TNFRSF21: variants seen among roughly 807,000 people sequenced by gnomAD.
The protein encoded by TNFRSF21 is tumor necrosis factor receptor superfamily member 21.
A neutral mutation model predicts 45.6 loss-of-function variants in TNFRSF21; 19 were observed. The observed-to-expected ratio is 0.42, with a 90% confidence interval of 0.29 to 0.61. The LOEUF is 0.61. Ranked by LOEUF, TNFRSF21 falls within the 20% of genes least tolerant of loss-of-function variation. The pLI, the probability that TNFRSF21 is intolerant of heterozygous loss-of-function variation, is 0.23. For synonymous variants in TNFRSF21, 314 were observed against 335.5 expected (o/e 0.94, Z 0.70); for missense variants, 737 against 851.5 (o/e 0.87, Z 1.67).
At chr6:47,247,160 A>T (rs558849105) in intron 4 of TNFRSF21, among the ~76,000 whole-genome samples, 1 of 152,332 alleles carries the variant, frequency 6.6e-6, no homozygotes, top group Admixed American at 6.5e-5. Context: ...CCTATTTATA[A>T]ACATTGCTCC....
chr6:47,290,894 A>G (rs963970330), intron 1 of TNFRSF21, among the ~76,000 whole-genome samples: 4 of 152,252 alleles, frequency 2.6e-5, no homozygotes, highest in Admixed American at 6.5e-5. Context: ...TAGAATCTTG[A>G]GAACTCTATT....
chr6:47,286,761 G>C (rs1244128042), intron 1 of TNFRSF21, among the ~76,000 whole-genome samples, 166 bp from the exon 2 acceptor site: 3 of 152,200 alleles, frequency 2.0e-5, no homozygotes, highest in African/African-American at 7.2e-5. Context: ...AGTAGAACGA[G>C]AGAAACGAAG....
At chr6:47,288,603 GC>G (rs1762680154) in intron 1 of TNFRSF21, among the ~76,000 whole-genome samples, 2 of 151,852 alleles carry the variant, frequency 1.3e-5, no homozygotes, top group South Asian at 2.1e-4. Context: ...AAAATAACTT[GC>G]TGAATAGTTC....
intron 1 of TNFRSF21, among the ~76,000 whole-genome samples, chr6:47,302,764 T>G (rs1029085297): frequency 6.6e-6 from 1 of 152,128 alleles, no homozygotes; most frequent in African/African-American, 2.4e-5. Context: ...TCTGGTAAAT[T>G]AAGGTGACCT....
chr6:47,237,911 G>A (rs934512160), intron 4 of TNFRSF21, among the ~76,000 whole-genome samples: 3 of 152,082 alleles, frequency 2.0e-5, no homozygotes, highest in South Asian at 2.1e-4. Context: ...TGAGCCAGGC[G>A]TGGTGGCAGG....
intron 3 of TNFRSF21, among the ~76,000 whole-genome samples, chr6:47,273,550 AC>A: frequency 6.6e-6 from 1 of 152,206 alleles, no homozygotes; most frequent in Non-Finnish European, 1.5e-5. Context: ...CCCACAGCCA[AC>A]ATCATACTGA....
chr6:47,298,926 C>T (rs1421671479), intron 1 of TNFRSF21, among the ~76,000 whole-genome samples: 3 of 152,208 alleles, frequency 2.0e-5, no homozygotes, highest in Non-Finnish European at 4.4e-5. Flanking sequence ...TTGAACCTAG[C>T]ACTCCGCAAA....
rs1764582013 is a variant in TNFRSF21 at position 47,231,566 on chromosome 6, C to T, written c.*1199G>A. 6.6e-6 allele frequency: 1 copy of T among 152,524 alleles called. No individual in the cohort carries two copies. 9.4% of individuals were successfully genotyped at this position (152,524 alleles called of 1,614,324 possible). A position where few individuals can be genotyped will look rare whatever the true frequency, so the allele number is the denominator to read the frequency against. On this transcript the variant is annotated 3_prime_UTR_variant, in exon 6 of 6. Coordinates refer to ENST00000296861, the MANE Select transcript of TNFRSF21 (RefSeq NM_014452.5). ...CCTAATGTTTATTAATAAATTAGTA[C>T]ACTTGAAGGCATTTTTCTGATATCG...
At chr6:47,259,679 T>A (rs892063068) in intron 3 of TNFRSF21, among the ~76,000 whole-genome samples, 6 of 152,162 alleles carry the variant, frequency 3.9e-5, no homozygotes, top group African/African-American at 1.4e-4. Context: ...CCTGCCAACA[T>A]TGCCTTTTCC....
intron 1 of TNFRSF21, among the ~76,000 whole-genome samples, chr6:47,295,804 TA>T (rs34494497): frequency 6.7e-6 from 1 of 148,310 alleles, no homozygotes; most frequent in Non-Finnish European, 1.5e-5. Context: ...CTCTCTGATT[TA>T]AAAAAAAAAA....
intron 3 of TNFRSF21, among the ~76,000 whole-genome samples, chr6:47,271,029 A>G (rs544044892): frequency 6.6e-6 from 1 of 152,336 alleles, no homozygotes; most frequent in South Asian, 2.1e-4. Context: ...AAAAGACCAA[A>G]TCTACATTTG....
rs186563458 is a variant in TNFRSF21, at chr6:47,267,001, A to G, written c.1244-13480T>C. On this transcript the variant is annotated intron_variant, in intron 3 of 5. Coordinates refer to ENST00000296861, the MANE Select transcript of TNFRSF21 (RefSeq NM_014452.5). ...CTTAGCAGGTGCTCCCCACCCTACA[A>G]GAGCAGACCTGTGTGAGTAAATTTC... Among the ~76,000 whole-genome samples the G allele has an allele frequency of 7.2e-5, 11 of 152,294 alleles. No individual in the cohort carries two copies. In the East Asian group the frequency reaches 2.1e-3, roughly 29 times the overall value.
At chr6:47,280,468 A>T (rs1762551365) in intron 3 of TNFRSF21, among the ~76,000 whole-genome samples, 1 of 152,230 alleles carries the variant, frequency 6.6e-6, no homozygotes, top group Admixed American at 6.5e-5. Flanking sequence ...TTGGAAAGAA[A>T]AGACTTTCCT....
chr6:47,273,368 A>T (rs1328479018), intron 3 of TNFRSF21, among the ~76,000 whole-genome samples: 3 of 152,234 alleles, frequency 2.0e-5, no homozygotes, highest in Non-Finnish European at 2.9e-5. Context: ...ACATATGCAA[A>T]TCAATAAATG....
At position 47,297,095 on chromosome 6, in the gene TNFRSF21, G is replaced by A. The variant is rs1301312064; in HGVS notation, c.97-10500C>T. ...CTGTGGGATCCGACACTACTTCCGG[G>A]TAGATAGGTCAGAACTGAATTGAAC... On this transcript the variant is annotated intron_variant, in intron 1 of 5. Transcript: ENST00000296861. Among the ~76,000 whole-genome samples, 3 of 152,324 alleles carry A rather than the reference G, an allele frequency of 2.0e-5. No homozygotes were observed. In the East Asian group the frequency reaches 5.8e-4, roughly 29 times the overall value.
chr6:47,278,979 C>T (rs1395725147), intron 3 of TNFRSF21, among the ~76,000 whole-genome samples: 1 of 152,106 alleles, frequency 6.6e-6, no homozygotes, highest in East Asian at 1.9e-4. Context: ...CGAGGTATAC[C>T]CAATTCCTTT....
At position 47,309,638 on chromosome 6, in the gene TNFRSF21, A is replaced by G; in HGVS notation, c.-127T>C. The G allele has an allele frequency of 2.5e-6, 3 of 1,220,506 alleles. No individual in the cohort carries two copies. The highest frequency in any genetic ancestry group is 2.0e-5 in the South Asian group (1 of 51,054). The allele number at this position is 1,220,506 out of a possible 1,614,324, so 75.6% of individuals were successfully genotyped here. On this transcript the variant is annotated 5_prime_UTR_variant, in exon 1 of 6. It removes an upstream start codon present in the reference 5' UTR. Transcript: ENST00000296861. ...GGAGCCCATCTACCTCCAACACCCC[A>G]TGTGCACTGCTGCGGCCGGGCAGAG...
intron 3 of TNFRSF21, among the ~76,000 whole-genome samples, chr6:47,266,145 C>G (rs1016037800): frequency 6.6e-5 from 10 of 152,284 alleles, no homozygotes; most frequent in African/African-American, 2.4e-4. Flanking sequence ...AATCGACTCC[C>G]ACTATTGGAC....
rs572001259 is a variant in TNFRSF21, at chr6:47,286,744, G to A, written c.97-149C>T. On this transcript the variant is annotated intron_variant, in intron 1 of 5. Transcript: ENST00000296861. The stretch of plus-strand genomic sequence containing the variant: ...GACTGCATCCTCTTGACAGCATGCT[G>A]CAACACAGTAGAACGAGAGAAACGA... The A allele has an allele frequency of 2.3e-5, 19 of 817,684 alleles. No individual in the cohort carries two copies. The South Asian group carries it at 3.6e-4, about 16-fold the overall frequency. The allele number at this position is 817,684 out of a possible 1,614,324, so 50.7% of individuals were successfully genotyped here.
Sources: allele counts gnomAD v4.1 joint callset (sites outside exome capture counted in the v4.1 genomes callset), GRCh38; gene constraint gnomAD v4.1.1; transcripts MANE v1.5; gene names NCBI Gene and HGNC (gene_info 2026-07-23, HGNC 2026-07-21).